The following GRIP1 variants were observed in gnomAD, a reference collection of about 807,000 sequenced individuals.
GRIP1 encodes the protein glutamate receptor interacting protein 1.
GRIP1 carries 45 observed loss-of-function variants against 129.9 expected under a neutral mutation model. The observed-to-expected ratio is 0.35, with a 90% CI of 0.27 to 0.44. The LOEUF is 0.44. Among genes scored for constraint, GRIP1 ranks in the 20% least tolerant of loss-of-function variants. GRIP1 has a pLI of 1.00. For missense variants in GRIP1, 1,196 were observed against 1,396.8 expected (o/e 0.86, Z 2.29); for synonymous variants, 530 against 520.8 (o/e 1.02, Z -0.24).
chr12:66,718,496 T>C (rs749156386), intron 1 of GRIP1, among the ~76,000 whole-genome samples: 1 of 152,178 alleles, frequency 6.6e-6, no homozygotes, highest in East Asian at 1.9e-4. Context: ...TCAATTAAGT[T>C]TGAGAAGCAG....
intron 1 of GRIP1, among the ~76,000 whole-genome samples, chr12:66,986,109 C>T (rs1338641022): frequency 6.6e-6 from 1 of 152,186 alleles, no homozygotes; most frequent in Non-Finnish European, 1.5e-5. Flanking sequence ...CTTCTGAATG[C>T]ACATCACAAT....
At chr12:66,957,633 T>G (rs1462298945) in intron 1 of GRIP1, among the ~76,000 whole-genome samples, 1 of 152,152 alleles carries the variant, frequency 6.6e-6, no homozygotes, top group African/African-American at 2.4e-5. Context: ...GATGTTTGTC[T>G]CATGATTAGA....
At chr12:66,985,558 A>G (rs1408946744) in intron 1 of GRIP1, among the ~76,000 whole-genome samples, 2 of 152,130 alleles carry the variant, frequency 1.3e-5, no homozygotes. Flanking sequence ...ATCTGATCCA[A>G]TTTCAACTTC....
At chr12:66,353,584 G>T (rs1208805681) in intron 23 of GRIP1, 21 bp from the exon 24 acceptor site, 2 of 1,612,218 alleles carry the variant, frequency 1.2e-6, no homozygotes, top group African/African-American at 2.7e-5. Flanking sequence ...AAAATGGGAT[G>T]TGAATATTTA....
intron 1 of GRIP1, among the ~76,000 whole-genome samples, chr12:66,622,920 T>C (rs1455791698): frequency 1.3e-5 from 2 of 152,182 alleles, no homozygotes; most frequent in Non-Finnish European, 2.9e-5. Flanking sequence ...CGGCACCCCA[T>C]ATGTTGTTTA....
intron 1 of GRIP1, among the ~76,000 whole-genome samples, chr12:66,973,425 T>C (rs2042104810): frequency 6.6e-6 from 1 of 150,622 alleles, no homozygotes; most frequent in South Asian, 2.1e-4. Flanking sequence ...AAACCCCTCT[T>C]TCAGCCTGTT....
Position 66,392,367 on chromosome 12 carries a change from A to C in GRIP1, c.2405T>G (p.Val802Gly). 6.2e-7 allele frequency: 1 copy of C among 1,613,846 alleles called. No individual in the cohort carries two copies. Among genetic ancestry groups the C allele is most frequent in the East Asian group, 2.2e-5 (1 of 44,868 alleles). ...SDMYPSTVPS[V>G]DSAVDSWDGS... ...ATCCCATGAATCCACAGCACTGTCC[A>C]CACTGGGCACCGTGGAGGGGTACAT... The change falls in exon 19 of 25, where the codon GTG becomes GGG. Residue 802 changes from valine to glycine, a missense_variant. By Grantham distance (109) the Val-to-Gly change is moderately radical. Coordinates refer to ENST00000359742, the MANE Select transcript of GRIP1 (RefSeq NM_001366722.1).
chr12:66,757,010 T>C (rs953069787), intron 1 of GRIP1, among the ~76,000 whole-genome samples: 3 of 152,236 alleles, frequency 2.0e-5, no homozygotes, highest in African/African-American at 4.8e-5. Flanking sequence ...ATGGAATATT[T>C]TGATAAAGGC....
intron 1 of GRIP1, among the ~76,000 whole-genome samples, chr12:67,033,837 A>C (rs2043056975): frequency 6.6e-6 from 1 of 152,198 alleles, no homozygotes; most frequent in African/African-American, 2.4e-5. Flanking sequence ...AATATATGTA[A>C]AAATATCAGG....
intron 1 of GRIP1, among the ~76,000 whole-genome samples, chr12:66,636,615 G>C (rs2031398540): frequency 6.6e-6 from 1 of 152,006 alleles, no homozygotes. Context: ...TGGAGATAGG[G>C]CCTTTAAGGA....
exon 1 of GRIP1, chr12:66,804,131 C>A (rs1184194439): frequency 2.2e-6 from 1 of 455,882 alleles, no homozygotes; most frequent in South Asian, 1.5e-5. Flanking sequence ...TACTTTTTCC[C>A]CTTTCTTCTC....
chr12:66,874,311 C>T (rs1252286), intron 1 of GRIP1, among the ~76,000 whole-genome samples: 135,055 of 152,052 alleles, frequency 0.89, 62,218 homozygotes, highest in East Asian at 1. Flanking sequence ...TGTCTGTTGA[C>T]GACAATCTTA....
At chr12:66,626,714 G>T in intron 1 of GRIP1, 1 of 152,954 alleles carries the variant, frequency 6.5e-6, no homozygotes, top group East Asian at 1.9e-4. Context: ...TCAATTAAAA[G>T]GAGGTATAGT....
At chr12:66,692,088 C>T (rs1469229709) in intron 1 of GRIP1, among the ~76,000 whole-genome samples, 1 of 152,192 alleles carries the variant, frequency 6.6e-6, no homozygotes, top group Non-Finnish European at 1.5e-5. Flanking sequence ...CTTCAGTTTT[C>T]CATTATCAAT....
At chr12:66,872,370 G>A (rs916225819) in intron 1 of GRIP1, among the ~76,000 whole-genome samples, 2 of 151,990 alleles carry the variant, frequency 1.3e-5, no homozygotes, top group African/African-American at 4.8e-5. Flanking sequence ...TCTAATGCAT[G>A]GTTCTAGGAT....
chr12:66,811,648 C>A (rs1213391475), intron 1 of GRIP1, among the ~76,000 whole-genome samples: 1 of 151,916 alleles, frequency 6.6e-6, no homozygotes, highest in Non-Finnish European at 1.5e-5. Context: ...TCCTTCCCTC[C>A]CTCCTTCCCT....
At chr12:66,484,859 T>C (rs1479136298) in intron 7 of GRIP1, among the ~76,000 whole-genome samples, 2 of 152,168 alleles carry the variant, frequency 1.3e-5, no homozygotes, top group Admixed American at 6.5e-5. Context: ...AAATTATAAA[T>C]GTTTGAGGTG....
intron 1 of GRIP1, among the ~76,000 whole-genome samples, chr12:66,601,559 C>T (rs1490373071): frequency 6.6e-5 from 10 of 152,168 alleles, no homozygotes; most frequent in Non-Finnish European, 1.5e-5. Flanking sequence ...AATTTAATTT[C>T]CTTTGGCTGA....
chr12:66,435,697 C>T (rs1433245059), intron 13 of GRIP1, among the ~76,000 whole-genome samples: 2 of 152,112 alleles, frequency 1.3e-5, no homozygotes, highest in African/African-American at 2.4e-5. Context: ...ACTACAGCAA[C>T]ATTTTGCTTT....
Sources: gnomAD v4.1 joint callset for allele counts (sites outside exome capture counted in the v4.1 genomes callset) on GRCh38, gnomAD v4.1.1 for gene constraint, MANE v1.5 for transcripts, NCBI Gene and HGNC (gene_info 2026-07-23, HGNC 2026-07-21) for gene names.